The following ZBTB7C variants were observed in gnomAD, a reference collection of about 807,000 sequenced individuals.
The protein encoded by ZBTB7C is zinc finger and BTB domain-containing protein 7C.
Under a neutral mutation model 25.7 loss-of-function variants are expected in ZBTB7C, and 8 were observed. The ratio of observed to expected loss-of-function variants is 0.31; its 90% CI spans 0.18 to 0.56. The LOEUF (loss-of-function observed/expected upper bound fraction) is 0.56. Among genes scored for constraint, ZBTB7C ranks in the 20% least tolerant of loss-of-function variants. The probability of loss-of-function intolerance (pLI) is 0.91; values close to 1 mark genes in which losing one functional copy is unlikely to be tolerated. For synonymous variants in ZBTB7C, 394 were observed against 369.0 expected, an observed-to-expected ratio of 1.07 and a Z score of -0.78; for missense variants, 824 against 855.2, an observed-to-expected ratio of 0.96 and a Z score of 0.46.
At chr18:48,148,675 C>T (rs540507590) in intron 3 of ZBTB7C, 1 of 152,308 alleles carries the variant, frequency 6.6e-6, no homozygotes, top group East Asian at 1.9e-4. Flanking sequence ...GTGCTATAGG[C>T]AAAATCTGGT....
intron 3 of ZBTB7C, among the ~76,000 whole-genome samples, chr18:48,043,120 C>T (rs1262588538): frequency 6.6e-6 from 1 of 152,142 alleles, no homozygotes; most frequent in African/African-American, 2.4e-5. Context: ...AGAAAAGGAT[C>T]ACTCGTATAT....
Position 48,210,834 on chromosome 18 carries a change from G to GT in ZBTB7C, c.-78-24840dup, listed in dbSNP as rs201559203. Among the ~76,000 whole-genome samples the GT allele has an allele frequency of 7.0e-3, 1,064 of 152,184 alleles. 14 individuals carry two copies. The highest frequency in any genetic ancestry group is 0.024 in the African/African-American group (979 of 41,492). On this transcript the variant is annotated intron_variant, in intron 2 of 4. Coordinates refer to ENST00000590800, the MANE Select transcript of ZBTB7C (RefSeq NM_001318841.2). ...ATGTAAATTATATATCAATTAAACT[G>GT]TTTTTTTAAAAATTCCATAAAGTTT...
At chr18:48,411,994 C>T (rs2048386085), upstream of ZBTB7C, among the ~76,000 whole-genome samples, 2 of 152,224 alleles carry the variant, frequency 1.3e-5, no homozygotes, top group South Asian at 4.1e-4. Context: ...CAAACTTTAA[C>T]AGTTATCAGC....
intron 2 of ZBTB7C, among the ~76,000 whole-genome samples, chr18:48,282,273 G>C (rs369502251): frequency 7.6e-6 from 1 of 130,984 alleles, no homozygotes; most frequent in South Asian, 2.6e-4. Context: ...AGAACACATG[G>C]ACACAGGAAG....
Position 48,305,472 on chromosome 18 carries a change from G to A in ZBTB7C, c.-79+32702C>T, listed in dbSNP as rs144934924. 7.9e-5 allele frequency among the ~76,000 whole-genome samples: 12 copies of A among 152,254 alleles called. 1 individual carries two copies. The East Asian group carries it at 2.3e-3, about 29-fold the overall frequency. ...GACCGTAGCTTTATGAACAAACTATGCATAATCACTGAATATCTGCTGAGC... is the reference window on the plus strand; with the variant it reads ...GACCGTAGCTTTATGAACAAACTATACATAATCACTGAATATCTGCTGAGC... On this transcript the variant is annotated intron_variant, in intron 2 of 4. Transcript: ENST00000590800.
intron 3 of ZBTB7C, among the ~76,000 whole-genome samples, chr18:48,062,363 C>T (rs1212244416): frequency 1.3e-5 from 2 of 152,018 alleles, no homozygotes; most frequent in African/African-American, 2.4e-5. Flanking sequence ...GCATGAGTCA[C>T]GCTTGATTTT....
chr18:48,221,528 A>C (rs35682478), intron 2 of ZBTB7C, among the ~76,000 whole-genome samples: 147,027 of 149,306 alleles, frequency 0.98, 72,403 homozygotes, highest in Middle Eastern at 1. Context: ...CTATTCTGTC[A>C]CCTAGTCTCC....
chr18:48,092,882 G>A (rs992218047), intron 3 of ZBTB7C, among the ~76,000 whole-genome samples: 6 of 152,210 alleles, frequency 3.9e-5, no homozygotes, highest in Non-Finnish European at 8.8e-5. Context: ...GGTAGATAAA[G>A]GCTGATAGAT....
intron 3 of ZBTB7C, among the ~76,000 whole-genome samples, chr18:48,051,619 C>T (rs543352811): frequency 3.2e-4 from 49 of 151,610 alleles, no homozygotes; most frequent in African/African-American, 1.1e-3. Flanking sequence ...AGAGTGGGGG[C>T]GCTCGCATCT....
chr18:48,085,701 A>T (rs893618610), intron 3 of ZBTB7C, among the ~76,000 whole-genome samples: 2 of 152,264 alleles, frequency 1.3e-5, no homozygotes, highest in African/African-American at 4.8e-5. Context: ...ATCTAATAGT[A>T]AATATCTTCA....
chr18:48,279,613 G>A (rs114537173), intron 2 of ZBTB7C, among the ~76,000 whole-genome samples: 3 of 152,156 alleles, frequency 2.0e-5, no homozygotes, highest in Non-Finnish European at 4.4e-5. Context: ...TCAGACAAGG[G>A]ACAACCTCCC....
intron 3 of ZBTB7C, among the ~76,000 whole-genome samples, chr18:48,102,166 C>A (rs2038854621): frequency 6.6e-6 from 1 of 152,220 alleles, no homozygotes; most frequent in African/African-American, 2.4e-5. Flanking sequence ...AATTGGTCAT[C>A]ATCACAGTTA....
chr18:48,035,368 A>G (rs1011580330), intron 4 of ZBTB7C, among the ~76,000 whole-genome samples: 1 of 152,152 alleles, frequency 6.6e-6, no homozygotes, highest in Non-Finnish European at 1.5e-5. Context: ...TACTGTCCCC[A>G]TCAGGCATGG....
At chr18:48,180,764 G>T (rs2041896806) in intron 3 of ZBTB7C, among the ~76,000 whole-genome samples, 1 of 152,180 alleles carries the variant, frequency 6.6e-6, no homozygotes, top group Non-Finnish European at 1.5e-5. Context: ...CCTCCCACCA[G>T]GTGTAGGAAC....
In ZBTB7C at chr18:48,040,637, C is replaced by T. The variant is rs1555679178; in HGVS notation, c.471G>A (p.Glu157=). 6.2e-7 allele frequency: 1 copy of T among 1,612,944 alleles called. No individual in the cohort carries two copies. Among genetic ancestry groups the T allele is most frequent in the Non-Finnish European group, 8.5e-7 (1 of 1,179,398 alleles). Residue 157 remains glutamate, a synonymous_variant, in exon 4 of 5, where the codon GAG becomes GAA. Coordinates refer to ENST00000590800, the MANE Select transcript of ZBTB7C (RefSeq NM_001318841.2). ...DDDDEEDEEE[E]EEEEEDDDDD... ...CATCGTCATCCTCCTCCTCTTCCTCCTCCTCCTCTTCGTCCTCCTCATCAT... is the reference window on the plus strand; with the variant it reads ...CATCGTCATCCTCCTCCTCTTCCTCTTCCTCCTCTTCGTCCTCCTCATCAT...
At chr18:48,084,490 G>C in intron 3 of ZBTB7C, among the ~76,000 whole-genome samples, 1 of 152,166 alleles carries the variant, frequency 6.6e-6, no homozygotes, top group East Asian at 1.9e-4. Context: ...CTGCTCCTCT[G>C]ACCTGACTCC....
intron 1 of ZBTB7C, among the ~76,000 whole-genome samples, chr18:48,389,735 C>G (rs1439282800): frequency 6.6e-6 from 1 of 152,118 alleles, no homozygotes; most frequent in African/African-American, 2.4e-5. Context: ...AGAACTGGAT[C>G]AACACTGGAA....
chr18:48,287,645 G>A (rs1470518639), intron 2 of ZBTB7C, among the ~76,000 whole-genome samples: 1 of 152,058 alleles, frequency 6.6e-6, no homozygotes, highest in Non-Finnish European at 1.5e-5. Flanking sequence ...CATGAATAAA[G>A]ATGCAAAAAT....
chr18:48,278,934 T>C (rs2044748768), intron 2 of ZBTB7C, among the ~76,000 whole-genome samples: 6 of 151,272 alleles, frequency 4.0e-5, no homozygotes, highest in Admixed American at 3.9e-4. Flanking sequence ...TGTGTTGTTT[T>C]GCTTTCTTGT....
Sources: gnomAD v4.1 joint callset for allele counts (sites outside exome capture counted in the v4.1 genomes callset) on GRCh38, gnomAD v4.1.1 for gene constraint, MANE v1.5 for transcripts, NCBI Gene and HGNC (gene_info 2026-07-23, HGNC 2026-07-21) for gene names.